Variants in QTMAN observed in about 807,000 individuals in gnomAD.
QTMAN encodes the protein queuosine-tRNA mannosyltransferase.
chr2:144,133,461 ATATT>A, the QTMAN span, among the ~76,000 whole-genome samples: 2 of 60,224 alleles, frequency 3.3e-5, no homozygotes, highest in African/African-American at 1.3e-4. Context: ...TATATAATAT[ATATT>A]ATATATTATA....
At chr2:144,064,900 T>A in the QTMAN span, among the ~76,000 whole-genome samples, 1 of 152,054 alleles carries the variant, frequency 6.6e-6, no homozygotes, top group Non-Finnish European at 1.5e-5. Context: ...CTGGCTCCTA[T>A]GAAAATGGGA....
At chr2:144,129,008 G>A in the QTMAN span, among the ~76,000 whole-genome samples, 23 of 151,554 alleles carry the variant, frequency 1.5e-4, no homozygotes, top group East Asian at 4.5e-3. Flanking sequence ...CTGTCCCACT[G>A]TCTCTTTTAA....
the QTMAN span, among the ~76,000 whole-genome samples, chr2:144,189,136 T>G: frequency 6.6e-6 from 1 of 152,176 alleles, no homozygotes; most frequent in Non-Finnish European, 1.5e-5. Context: ...ACCTGCAGGG[T>G]ACATATATGT....
At chr2:144,238,202 C>A in the QTMAN span, among the ~76,000 whole-genome samples, 1 of 152,176 alleles carries the variant, frequency 6.6e-6, no homozygotes, top group African/African-American at 2.4e-5. Context: ...CAACCAAATC[C>A]ATTCAAAATT....
At chr2:144,152,760 C>T in the QTMAN span, among the ~76,000 whole-genome samples, 5 of 151,964 alleles carry the variant, frequency 3.3e-5, no homozygotes, top group African/African-American at 1.2e-4. Context: ...TTTGACTTGG[C>T]AATTTAAGAA....
At chr2:144,229,543 CA>C in the QTMAN span, among the ~76,000 whole-genome samples, 1 of 152,156 alleles carries the variant, frequency 6.6e-6, no homozygotes, top group Non-Finnish European at 1.5e-5. Context: ...TCTTCTCAAA[CA>C]GTGGCTTACT....
At chr2:144,126,793 C>A in the QTMAN span, among the ~76,000 whole-genome samples, 7 of 151,910 alleles carry the variant, frequency 4.6e-5, no homozygotes, top group African/African-American at 1.7e-4. Context: ...AGGCATGTTT[C>A]GTGGAGTGAT....
the QTMAN span, chr2:143,952,649 A>G: frequency 1.5e-4 from 110 of 743,254 alleles, 2 homozygotes; most frequent in Admixed American, 2.5e-3. Context: ...ATTTTCCTTA[A>G]CACTAACATG....
the QTMAN span, among the ~76,000 whole-genome samples, chr2:143,989,586 C>A: frequency 6.6e-6 from 1 of 152,266 alleles, no homozygotes; most frequent in East Asian, 1.9e-4. Context: ...CGTGAATAAA[C>A]GCACTGAGCT....
the QTMAN span, among the ~76,000 whole-genome samples, chr2:144,016,343 C>A: frequency 6.6e-6 from 1 of 152,070 alleles, no homozygotes; most frequent in Non-Finnish European, 1.5e-5. Context: ...ATCATTTTTT[C>A]AATTTGAAAC....
chr2:143,948,935 T>C, the QTMAN span, among the ~76,000 whole-genome samples: 3 of 152,128 alleles, frequency 2.0e-5, no homozygotes, highest in Non-Finnish European at 4.4e-5. Flanking sequence ...CCTGAAAAAG[T>C]ACATGTCTCG....
the QTMAN span, among the ~76,000 whole-genome samples, chr2:144,057,436 T>C: frequency 6.6e-6 from 1 of 152,198 alleles, no homozygotes. Context: ...AATTCTTGCC[T>C]TCATGAAGCT....
At chr2:144,197,034 T>C in the QTMAN span, among the ~76,000 whole-genome samples, 2 of 152,056 alleles carry the variant, frequency 1.3e-5, no homozygotes, top group African/African-American at 2.4e-5. Context: ...CATCACAGAG[T>C]GTACTTACCC....
chr2:144,047,154 C>A, the QTMAN span, among the ~76,000 whole-genome samples: 1 of 151,976 alleles, frequency 6.6e-6, no homozygotes, highest in Non-Finnish European at 1.5e-5. Context: ...GCCTGTAATC[C>A]CAGCTACTCA....
At chr2:144,185,578 T>C in the QTMAN span, among the ~76,000 whole-genome samples, 1 of 152,208 alleles carries the variant, frequency 6.6e-6, no homozygotes, top group Non-Finnish European at 1.5e-5. Flanking sequence ...CCATGTTTGA[T>C]AACCAGAAAG....
chr2:144,191,388 G>C, the QTMAN span, among the ~76,000 whole-genome samples: 9 of 152,258 alleles, frequency 5.9e-5, no homozygotes, highest in Admixed American at 3.3e-4. Flanking sequence ...ATGCGGGCAG[G>C]GTTGTGCAAT....
the QTMAN span, among the ~76,000 whole-genome samples, chr2:144,194,745 CAG>C: frequency 6.6e-6 from 1 of 152,072 alleles, no homozygotes; most frequent in Non-Finnish European, 1.5e-5. Flanking sequence ...AAAAATAAAA[CAG>C]AAATGTAGAT....
At chr2:144,250,132 T>C in the QTMAN span, among the ~76,000 whole-genome samples, 1 of 144,354 alleles carries the variant, frequency 6.9e-6, no homozygotes, top group Non-Finnish European at 1.5e-5. Context: ...TGTTTTTTTT[T>C]TTTGTTTGTT....
chr2:144,223,639 C>T, the QTMAN span, among the ~76,000 whole-genome samples: 6 of 152,186 alleles, frequency 3.9e-5, no homozygotes, highest in Admixed American at 3.9e-4. Context: ...AACTTTTTTA[C>T]TGCCCAATTA....
Sources: allele counts gnomAD v4.1 joint callset (sites outside exome capture counted in the v4.1 genomes callset), GRCh38; gene constraint gnomAD v4.1.1; transcripts MANE v1.5; gene names NCBI Gene and HGNC (gene_info 2026-07-23, HGNC 2026-07-21).